SCD5: variants seen among roughly 807,000 people sequenced by gnomAD.
SCD5 encodes the protein acyl-CoA-desaturase 4.
In SCD5, 20 loss-of-function variants were observed where a neutral mutation model predicts 30.4. The ratio of observed to expected loss-of-function variants is 0.66; its 90% CI spans 0.46 to 0.96. The LOEUF (loss-of-function observed/expected upper bound fraction) is 0.96. SCD5 is among the 40% of genes least tolerant of loss of function. SCD5 has a pLI of 0.00. For synonymous variants in SCD5, 173 were observed against 176.4 expected (o/e 0.98, Z 0.16); for missense variants, 381 against 443.3 (o/e 0.86, Z 1.26).
chr4:82,738,397 G>A (rs2148838033), intron 1 of SCD5, among the ~76,000 whole-genome samples: 1 of 152,312 alleles, frequency 6.6e-6, no homozygotes, highest in East Asian at 1.9e-4. Flanking sequence ...ACTCCAGCCT[G>A]GCAACAGAGT....
intron 3 of SCD5, among the ~76,000 whole-genome samples, chr4:82,637,467 T>A (rs553749067): frequency 1.3e-5 from 2 of 152,358 alleles, no homozygotes; most frequent in East Asian, 3.9e-4. Flanking sequence ...AAACATTTAC[T>A]GAGTACCTGC....
chr4:82,660,777 A>G (rs1270907783), intron 3 of SCD5: 1 of 1,584,298 alleles, frequency 6.3e-7, no homozygotes, highest in African/African-American at 1.4e-5. Context: ...AGCTCTGTCT[A>G]TGCTTCACAC....
intron 3 of SCD5, chr4:82,660,689 C>A (rs754002242): frequency 1.4e-6 from 2 of 1,421,712 alleles, no homozygotes; most frequent in Non-Finnish European, 1.8e-6. Flanking sequence ...ATTTTAGGAC[C>A]ATATTTTACC....
At chr4:82,644,077 T>C (rs920982559) in intron 3 of SCD5, among the ~76,000 whole-genome samples, 1 of 152,210 alleles carries the variant, frequency 6.6e-6, no homozygotes, top group Non-Finnish European at 1.5e-5. Flanking sequence ...GTAGTGGACA[T>C]TGTGATGTGC....
At chr4:82,726,787 G>C (rs1204266913) in intron 1 of SCD5, among the ~76,000 whole-genome samples, 1 of 152,140 alleles carries the variant, frequency 6.6e-6, no homozygotes, top group African/African-American at 2.4e-5. Flanking sequence ...AGACGCGCTG[G>C]ACTGGATAAA....
chr4:82,732,265 G>GT (rs1720660502), intron 1 of SCD5, among the ~76,000 whole-genome samples: 1 of 151,964 alleles, frequency 6.6e-6, no homozygotes, highest in Admixed American at 6.6e-5. Context: ...GCTAATTTTT[G>GT]TATGTTTTTA....
At chr4:82,725,758 G>T (rs1720455479) in intron 1 of SCD5, among the ~76,000 whole-genome samples, 1 of 152,120 alleles carries the variant, frequency 6.6e-6, no homozygotes, top group Non-Finnish European at 1.5e-5. Flanking sequence ...TACCCAGAAG[G>T]CTGAGGTGGG....
In SCD5 at chr4:82,631,023, A is replaced by C; in HGVS notation, c.*304T>G. 1 of 190,712 alleles carries C rather than the reference A, an allele frequency of 5.2e-6. No individual in the cohort carries two copies. Among genetic ancestry groups the C allele is most frequent in the African/African-American group, 2.4e-5 (1 of 42,406 alleles). The allele number at this position is 190,712 out of a possible 1,614,324, so 11.8% of individuals were successfully genotyped here. ...CTACTCAGGAGGCTGAGGCAGGAGA[A>C]TTGCTTGAACCAGGTAGGTGGAGGC... On this transcript the variant is annotated 3_prime_UTR_variant, in exon 5 of 5. Coordinates refer to ENST00000319540, the MANE Select transcript of SCD5 (RefSeq NM_001037582.3).
intron 3 of SCD5, among the ~76,000 whole-genome samples, chr4:82,666,001 C>T (rs1265013113): frequency 6.6e-6 from 1 of 152,078 alleles, no homozygotes; most frequent in African/African-American, 2.4e-5. Flanking sequence ...ACCTATATTA[C>T]ATTTTATGCT....
chr4:82,762,163 C>A (rs1418503926), intron 1 of SCD5, among the ~76,000 whole-genome samples: 1 of 135,736 alleles, frequency 7.4e-6, no homozygotes, highest in Non-Finnish European at 1.5e-5. Context: ...GAGAGTGAGA[C>A]CCTGTCTCAA....
intron 1 of SCD5, among the ~76,000 whole-genome samples, chr4:82,786,397 A>C (rs954834489): frequency 2.0e-5 from 3 of 152,238 alleles, no homozygotes; most frequent in Non-Finnish European, 4.4e-5. Context: ...TCTTGATAGA[A>C]TAGGTAGTGA....
intron 1 of SCD5, among the ~76,000 whole-genome samples, chr4:82,743,764 C>A (rs1205505160): frequency 6.6e-6 from 1 of 151,756 alleles, no homozygotes; most frequent in African/African-American, 2.4e-5. Flanking sequence ...TCAAGCAATC[C>A]CCCCCGCCTT....
At chr4:82,713,938 C>G (rs1342075904) in intron 1 of SCD5, among the ~76,000 whole-genome samples, 1 of 152,238 alleles carries the variant, frequency 6.6e-6, no homozygotes, top group Non-Finnish European at 1.5e-5. Flanking sequence ...TCCGCCACCT[C>G]TACCTACCAT....
At chr4:82,675,601 A>G (rs1038310832) in intron 3 of SCD5, among the ~76,000 whole-genome samples, 1 of 152,164 alleles carries the variant, frequency 6.6e-6, no homozygotes, top group Non-Finnish European at 1.5e-5. Flanking sequence ...ATGTGTCTGG[A>G]CTAGCATCCT....
chr4:82,719,763 A>T (rs1720324984), intron 1 of SCD5, among the ~76,000 whole-genome samples: 1 of 149,998 alleles, frequency 6.7e-6, no homozygotes, highest in African/African-American at 2.5e-5. Context: ...TCGGCCTCCC[A>T]AAGTGCTGGG....
chr4:82,655,736 CTT>C (rs942562072), intron 3 of SCD5, among the ~76,000 whole-genome samples: 10 of 152,170 alleles, frequency 6.6e-5, no homozygotes, highest in African/African-American at 2.4e-4. Context: ...CAACAATTAA[CTT>C]TCACATGTAT....
chr4:82,798,493 G>GTCGCAGAAAGGGA lies in SCD5; in HGVS notation c.32_44dup (p.Ala16ProfsTer17). 1 of 1,610,636 alleles carries GTCGCAGAAAGGGA rather than the reference G, an allele frequency of 6.2e-7. No individual in the cohort carries two copies. Among genetic ancestry groups the GTCGCAGAAAGGGA allele is most frequent in the South Asian group, 1.1e-5 (1 of 90,316 alleles). ...GCCCGGCACGGATTTCTTCCTTGGC[G>GTCGCAGAAAGGGA]TCGCAGAAAGGGATCTTCCCCGCGT... On this transcript the variant is annotated frameshift_variant, in exon 1 of 5. Transcript: ENST00000319540. LOFTEE classifies it high-confidence loss of function.
Position 82,660,993 on chromosome 4 carries a change from T to C in SCD5, c.569+19714A>G, listed in dbSNP as rs1374666373. Reference sequence around the variant, plus strand: ...GTAATCCGGGAAGGGTGACTTTCAATATATGCCCTTGATGCCATTCACGAA... The same window carrying C: ...GTAATCCGGGAAGGGTGACTTTCAACATATGCCCTTGATGCCATTCACGAA... On this transcript the variant is annotated intron_variant, in intron 3 of 4. Transcript: ENST00000319540. 28 of 1,614,060 alleles carry C rather than the reference T, an allele frequency of 1.7e-5. No individual in the cohort carries two copies. The Admixed American group carries it at 4.7e-4, about 27-fold the overall frequency.
chr4:82,706,182 C>G (rs1215455991), intron 1 of SCD5, among the ~76,000 whole-genome samples: 1 of 145,778 alleles, frequency 6.9e-6, no homozygotes, highest in Admixed American at 7.2e-5. Flanking sequence ...CCCTGGCCTT[C>G]TTATCTCTAT....
Sources: gnomAD v4.1 joint callset for allele counts (sites outside exome capture counted in the v4.1 genomes callset) on GRCh38, gnomAD v4.1.1 for gene constraint, MANE v1.5 for transcripts, NCBI Gene and HGNC (gene_info 2026-07-23, HGNC 2026-07-21) for gene names.